The following TMED8 variants were observed in gnomAD, a reference collection of about 807,000 sequenced individuals.
The protein encoded by TMED8 is protein TMED8.
TMED8 carries 15 observed loss-of-function variants against 32.7 expected under a neutral mutation model. The observed-to-expected ratio is 0.46, with a 90% CI of 0.31 to 0.71. TMED8 has a LOEUF of 0.71. Among genes scored for constraint, TMED8 ranks in the 30% least tolerant of loss-of-function variants. The pLI is 0.06. For missense variants in TMED8, 390 were observed against 423.9 expected (o/e 0.92, Z 0.70); for synonymous variants, 147 against 161.4 (o/e 0.91, Z 0.68).
chr14:77,346,122 C>T (rs1479381758), intron 3 of TMED8, among the ~76,000 whole-genome samples: 5 of 152,174 alleles, frequency 3.3e-5, no homozygotes, highest in East Asian at 1.9e-4. Context: ...TCTAACACTT[C>T]GTTTTCTGAA....
Position 77,372,864 on chromosome 14 carries a change from AT to A in TMED8, c.118+4071del, listed in dbSNP as rs1478674961. ...TACCATTCAACATGGTAGCCACCAA[AT>A]TTTGAATTTTAATTCATGCACATTG... On this transcript the variant is annotated intron_variant, in intron 1 of 5. Coordinates refer to ENST00000216468, the MANE Select transcript of TMED8 (RefSeq NM_213601.3). Among the ~76,000 whole-genome samples, 3 of 133,014 alleles carry A rather than the reference AT, an allele frequency of 2.3e-5. No individual in the cohort carries two copies. In the East Asian group the frequency reaches 7.4e-4, roughly 33 times the overall value. The allele number at this position is 133,014 out of a possible 152,430, so 87.3% of individuals were successfully genotyped here.
chr14:77,352,400 G>A (rs1893199944), intron 1 of TMED8, among the ~76,000 whole-genome samples: 1 of 140,716 alleles, frequency 7.1e-6, no homozygotes, highest in Admixed American at 7.3e-5. Context: ...GGCAACAACA[G>A]CAAAACTCCG....
rs960834632 is a variant in TMED8 at position 77,336,215 on chromosome 14, A to C, written c.*5556T>G. On this transcript the variant is annotated 3_prime_UTR_variant, in exon 6 of 6. Coordinates refer to ENST00000216468, the MANE Select transcript of TMED8 (RefSeq NM_213601.3). ...TTTTGCCCCCAGATAAGCCACAACT[A>C]CCTGCTTAAATTTTTTTTTAAACTA... The C allele has an allele frequency of 1.3e-5, 2 of 152,116 alleles. No individual in the cohort carries two copies. The highest frequency in any genetic ancestry group is 2.4e-5 in the African/African-American group (1 of 41,410). 9.4% of individuals were successfully genotyped at this position (152,116 alleles called of 1,614,324 possible).
At position 77,346,485 on chromosome 14, in the gene TMED8, G is replaced by A; in HGVS notation, c.198-7C>T. 6.2e-7 allele frequency: 1 copy of A among 1,614,074 alleles called. No individual in the cohort carries two copies. The highest frequency in any genetic ancestry group is 8.5e-7 in the Non-Finnish European group (1 of 1,180,016). ...TGGAGATACCATCTGTGGCCTCTCAGAGGAAGAGAGCATGTTAATTCAAGG... is the reference window on the plus strand; with the variant it reads ...TGGAGATACCATCTGTGGCCTCTCAAAGGAAGAGAGCATGTTAATTCAAGG... On this transcript the variant is annotated splice_polypyrimidine_tract_variant and splice_region_variant and intron_variant, in intron 2 of 5. Transcript: ENST00000216468.
At chr14:77,360,155 G>A (rs919586693) in intron 1 of TMED8, among the ~76,000 whole-genome samples, 6 of 152,140 alleles carry the variant, frequency 3.9e-5, no homozygotes, top group Admixed American at 1.3e-4. Flanking sequence ...TTTTTGTGAT[G>A]TTGAACATCT....
At chr14:77,360,396 G>A (rs1257994255) in intron 1 of TMED8, among the ~76,000 whole-genome samples, 10 of 150,816 alleles carry the variant, frequency 6.6e-5, no homozygotes, top group African/African-American at 2.4e-4. Flanking sequence ...TCCTGTTTCT[G>A]TGTACTTGAC....
In TMED8 at chr14:77,341,620, C is replaced by G. The variant is rs1892900648; in HGVS notation, c.*151G>C. 2.8e-6 allele frequency: 2 copies of G among 713,476 alleles called. No homozygotes were observed. Among genetic ancestry groups the G allele is most frequent in the South Asian group, 3.6e-5 (2 of 55,332 alleles). The allele number at this position is 713,476 out of a possible 1,614,324, so 44.2% of individuals were successfully genotyped here. ...TGCAGAAGCCAAGAAGGGGAAAAAG[C>G]TACGTGGGCCAACAGTCAGGCATGC... On this transcript the variant is annotated 3_prime_UTR_variant, in exon 6 of 6. Coordinates refer to ENST00000216468, the MANE Select transcript of TMED8 (RefSeq NM_213601.3).
intron 1 of TMED8, among the ~76,000 whole-genome samples, chr14:77,363,452 G>A (rs895857011): frequency 2.6e-5 from 4 of 152,114 alleles, no homozygotes; most frequent in Admixed American, 6.5e-5. Context: ...GGGATGCAAC[G>A]AAAGCAAAAG....
chr14:77,365,491 G>A (rs997043450), intron 1 of TMED8, among the ~76,000 whole-genome samples: 1 of 152,172 alleles, frequency 6.6e-6, no homozygotes, highest in Non-Finnish European at 1.5e-5. Flanking sequence ...AAAATGACCA[G>A]GACTTGGCCA....
chr14:77,359,420 C>A, intron 1 of TMED8: 1 of 227,270 alleles, frequency 4.4e-6, no homozygotes, highest in Admixed American at 5.9e-5. Flanking sequence ...AGAAATTCTC[C>A]AGATGTCTCC....
At position 77,337,062 on chromosome 14, in the gene TMED8, C is replaced by CT. The variant is rs1483823181; in HGVS notation, c.*4708dup. On this transcript the variant is annotated 3_prime_UTR_variant, in exon 6 of 6. Transcript: ENST00000216468. The stretch of plus-strand genomic sequence containing the variant: ...GGACAATATACACTTTTTTAAAAGT[C>CT]TGAGTTTTTCTTCCCAAAATAACAA... 6.6e-6 allele frequency: 1 copy of CT among 152,134 alleles called. No homozygotes were observed. The highest frequency in any genetic ancestry group is 1.5e-5 in the Non-Finnish European group (1 of 68,022). 9.4% of individuals were successfully genotyped at this position (152,134 alleles called of 1,614,324 possible). A position where few individuals can be genotyped will look rare whatever the true frequency, so the allele number is the denominator to read the frequency against.
chr14:77,351,798 A>T (rs751661880), intron 1 of TMED8, 47 bp from the exon 2 acceptor site: 3 of 1,473,332 alleles, frequency 2.0e-6, no homozygotes. Flanking sequence ...GAGGGAATAC[A>T]ATCATAATTA....
Position 77,349,230 on chromosome 14 carries a change from C to T in TMED8, c.197+2443G>A, listed in dbSNP as rs1330902476. ...CTCCCTGGTTCAAGCAATTCTCTTG[C>T]CTCAGCCTCCTGAGTAGCTGGGACT... On this transcript the variant is annotated intron_variant, in intron 2 of 5. Coordinates refer to ENST00000216468, the MANE Select transcript of TMED8 (RefSeq NM_213601.3). Among the ~76,000 whole-genome samples the T allele has an allele frequency of 3.4e-5, 5 of 148,904 alleles. No homozygotes were observed. The East Asian group carries it at 1.0e-3, about 30-fold the overall frequency.
chr14:77,373,319 C>CTT (rs1473801932), intron 1 of TMED8, among the ~76,000 whole-genome samples: 2 of 149,728 alleles, frequency 1.3e-5, no homozygotes, highest in African/African-American at 4.9e-5. Flanking sequence ...AAAACAAAAA[C>CTT]AAAAACAAAA....
intron 2 of TMED8, among the ~76,000 whole-genome samples, chr14:77,350,933 T>C (rs903880580): frequency 6.6e-6 from 1 of 152,242 alleles, no homozygotes; most frequent in Non-Finnish European, 1.5e-5. Context: ...GAAAGATTAA[T>C]TTCAAATTAT....
rs1409055939 is a variant in TMED8 at position 77,377,004 on chromosome 14, G to C, written c.50C>G (p.Ala17Gly). Residue 17 changes from alanine to glycine, a missense_variant, in exon 1 of 6, where the codon GCC (alanine) becomes GGC (glycine). Physicochemically the swap from Ala to Gly is moderately conservative, Grantham distance 60. Coordinates refer to ENST00000216468, the MANE Select transcript of TMED8 (RefSeq NM_213601.3). ...GACGCCGCCAGCCGACCCTGGGCGG[G>C]CTGTGGGGCTCCAGGAGCCCGGCCC... The part of the protein sequence containing the change: ...AEGPGSWSPT[A>G]RPGSAGGVGD... 1.3e-5 allele frequency: 18 copies of C among 1,427,472 alleles called. No individual in the cohort carries two copies. Among genetic ancestry groups the C allele is most frequent in the Non-Finnish European group, 1.5e-5 (17 of 1,100,422 alleles). The allele number at this position is 1,427,472 out of a possible 1,614,324, so 88.4% of individuals were successfully genotyped here.
chr14:77,356,068 G>C (rs2160840), intron 1 of TMED8, among the ~76,000 whole-genome samples: 1 of 152,128 alleles, frequency 6.6e-6, no homozygotes, highest in Non-Finnish European at 1.5e-5. Flanking sequence ...ACAGACCAGA[G>C]AGGCTACTTT....
At position 77,372,929 on chromosome 14, in the gene TMED8, TATATATATATATATATATA is replaced by T. The variant is rs1566696323; in HGVS notation, c.118+3988_118+4006del. ...TATTATATATATATATATATATATATATATATATATATATATATATATATTTTTTTTTTTTTTTTTTTTT... is the reference window on the plus strand; with the variant it reads ...TATTATATATATATATATATATATATTATATTTTTTTTTTTTTTTTTTTTT... On this transcript the variant is annotated intron_variant, in intron 1 of 5. Transcript: ENST00000216468. Among the ~76,000 whole-genome samples the T allele has an allele frequency of 2.8e-4, 9 of 31,964 alleles. 1 individual carries two copies. Among genetic ancestry groups the T allele is most frequent in the East Asian group, 1.3e-3 (2 of 1,524 alleles). 21.0% of individuals were successfully genotyped at this position (31,964 alleles called of 152,430 possible). A position where few individuals can be genotyped will look rare whatever the true frequency, so the allele number is the denominator to read the frequency against.
chr14:77,363,081 T>A (rs192477825), intron 1 of TMED8, among the ~76,000 whole-genome samples: 121 of 152,248 alleles, frequency 7.9e-4, no homozygotes, highest in African/African-American at 2.8e-3. Context: ...GACAGAAAAG[T>A]AATAAGGAAA....
Sources: allele counts gnomAD v4.1 joint callset (sites outside exome capture counted in the v4.1 genomes callset), GRCh38; gene constraint gnomAD v4.1.1; transcripts MANE v1.5; gene names NCBI Gene and HGNC (gene_info 2026-07-23, HGNC 2026-07-21).